Variants in CACNA1S observed in about 807,000 individuals in gnomAD.
CACNA1S encodes the protein calcium voltage-gated channel subunit alpha1 S.
Under a neutral mutation model 207.4 loss-of-function variants are expected in CACNA1S, and 126 were observed. That is an observed-to-expected ratio of 0.61 (90% CI 0.53 to 0.70). CACNA1S has a LOEUF of 0.70. CACNA1S is among the 30% of genes least tolerant of loss of function. The pLI, the probability that CACNA1S is intolerant of heterozygous loss-of-function variation, is 0.00. For synonymous variants in CACNA1S, 960 were observed against 932.7 expected (o/e 1.03, Z -0.53); for missense variants, 2,349 against 2,422.8 (o/e 0.97, Z 0.64).
rs1303367970 is a variant in CACNA1S at position 201,051,109 on chromosome 1, G to T, written c.3988C>A (p.Leu1330Met). The change falls in exon 33 of 44, where the codon CTG (leucine) becomes ATG (methionine). Residue 1330 changes from leucine (L) to methionine (M), a missense_variant. By Grantham distance (15) the Leu-to-Met change is conservative. Coordinates refer to ENST00000362061, the MANE Select transcript of CACNA1S (RefSeq NM_000069.3). ...CACAGCTTCCCATAGCTGCAGGCCA[G>T]TAGGATCTCCTGCCAGGCCTCACCT... ...ATGEAWQEIL[L>M]ACSYGKLCDP... is the part of the protein sequence containing the mutation. 1 of 1,614,108 alleles carries T rather than the reference G, an allele frequency of 6.2e-7. No homozygotes were observed. The highest frequency in any genetic ancestry group is 8.5e-7 in the Non-Finnish European group (1 of 1,180,036).
chr1:201,091,873 A>C (rs1662246138), intron 4 of CACNA1S, 81 bp from the exon 5 acceptor site: 2 of 1,597,084 alleles, frequency 1.3e-6, no homozygotes, highest in Non-Finnish European at 1.7e-6. Context: ...AATCCTGGGA[A>C]GCCCCTGAGA....
At chr1:201,082,392 T>C (rs1340727022) in intron 10 of CACNA1S, among the ~76,000 whole-genome samples, 1 of 152,180 alleles carries the variant, frequency 6.6e-6, no homozygotes, top group African/African-American at 2.4e-5. Flanking sequence ...CAAACACATG[T>C]GTTGCCACTC....
At position 201,048,632 on chromosome 1, in the gene CACNA1S, T is replaced by C. The variant is rs1480471513; in HGVS notation, c.4391A>G (p.Asn1464Ser). The C allele has an allele frequency of 1.9e-6, 3 of 1,613,826 alleles. No homozygotes were observed. The highest frequency in any genetic ancestry group is 1.7e-5 in the Admixed American group (1 of 60,008). The change falls in exon 36 of 44, where the codon AAT (asparagine) becomes AGT (serine). Residue 1464 changes from asparagine to serine, a missense_variant. Physicochemically the swap from Asn to Ser is conservative, Grantham distance 46. Coordinates refer to ENST00000362061, the MANE Select transcript of CACNA1S (RefSeq NM_000069.3). ...GCGGACCAGGGCAAAGAGTGTGGCA[T>C]TGAAGGTGACTGTGCCGTCGCTGTT... Reference protein sequence around the residue: ...PLNSDGTVTFNATLFALVRTA... With the variant: ...PLNSDGTVTFSATLFALVRTA...
chr1:201,059,155 GCTTCTC>G, intron 27 of CACNA1S, 28 bp downstream of exon 27: 1 of 1,394,098 alleles, frequency 7.2e-7, no homozygotes, highest in Non-Finnish European at 1.0e-6. Context: ...ACCAGCCCCA[GCTTCTC>G]ATCTGGCCCG....
At chr1:201,098,812 C>T (rs923819055) in intron 2 of CACNA1S, among the ~76,000 whole-genome samples, 3 of 152,130 alleles carry the variant, frequency 2.0e-5, no homozygotes, top group Non-Finnish European at 1.5e-5. Context: ...GGTGAGAGCT[C>T]CCTTACCTCA....
chr1:201,056,848 C>T (rs1361573692), intron 28 of CACNA1S, among the ~76,000 whole-genome samples: 1 of 152,168 alleles, frequency 6.6e-6, no homozygotes, highest in Non-Finnish European at 1.5e-5. Context: ...TCTCATTCCA[C>T]CTCCAAACCC....
At chr1:201,082,738 C>T (rs182220980) in intron 10 of CACNA1S, among the ~76,000 whole-genome samples, 14 of 152,310 alleles carry the variant, frequency 9.2e-5, no homozygotes, top group Admixed American at 2.6e-4. Flanking sequence ...CTGTGCCTTA[C>T]ATGTAGGATG....
chr1:201,042,763 T>C (rs1660312102), intron 40 of CACNA1S: 1 of 168,736 alleles, frequency 5.9e-6, no homozygotes, highest in Non-Finnish European at 1.3e-5. Flanking sequence ...AAGCTTTGCC[T>C]GAGCCTAGCC....
At chr1:201,076,336 C>T (rs1364874283) in intron 12 of CACNA1S, among the ~76,000 whole-genome samples, 1 of 152,218 alleles carries the variant, frequency 6.6e-6, no homozygotes, top group Admixed American at 6.5e-5. Context: ...GCCTTTCTCA[C>T]TGGTACAAAA....
chr1:201,092,068 T>C lies in CACNA1S; in HGVS notation c.445A>G (p.Thr149Ala), dbSNP rs74642988. The C allele has an allele frequency of 9.8e-5, 158 of 1,614,096 alleles. 1 individual carries two copies. In the East Asian group the frequency reaches 3.5e-3, roughly 36 times the overall value. ...GCTCCTTTGCTGCTCATTGGGGCTG[T>C]GTGGCTTTGGATGACGTTAACCTGT... ...LEQVNVIQSH[T>A]APMSSKGAGL... The change falls in exon 4 of 44, where the codon ACA becomes GCA. Residue 149 changes from threonine (T) to alanine (A), a missense_variant. Transcript: ENST00000362061.
chr1:201,076,586 C>G (rs1392994197), intron 12 of CACNA1S, among the ~76,000 whole-genome samples: 1 of 152,222 alleles, frequency 6.6e-6, no homozygotes, highest in East Asian at 1.9e-4. Flanking sequence ...TGACTTTGCC[C>G]TGAGACCTGA....
chr1:201,085,906 T>C (rs1359634150), intron 7 of CACNA1S, among the ~76,000 whole-genome samples: 1 of 152,196 alleles, frequency 6.6e-6, no homozygotes, highest in Admixed American at 6.5e-5. Context: ...AGGCAGTCCA[T>C]TGCCTAACTG....
chr1:201,108,231 G>A (rs924100590), intron 2 of CACNA1S, among the ~76,000 whole-genome samples: 3 of 151,350 alleles, frequency 2.0e-5, no homozygotes, highest in African/African-American at 7.3e-5. Context: ...TCAGCCTCCC[G>A]AGTAGATGGA....
intron 10 of CACNA1S, among the ~76,000 whole-genome samples, chr1:201,079,270 C>T (rs1386751339): frequency 6.6e-6 from 1 of 152,064 alleles, no homozygotes; most frequent in Non-Finnish European, 1.5e-5. Context: ...ATTTGCTCTT[C>T]ACCTCATCCC....
Position 201,062,105 on chromosome 1 carries a change from C to A in CACNA1S, c.2907-15G>T, listed in dbSNP as rs1012843039. 1.9e-6 allele frequency: 3 copies of A among 1,612,160 alleles called. No individual in the cohort carries two copies. The highest frequency in any genetic ancestry group is 2.5e-6 in the Non-Finnish European group (3 of 1,179,258). ...AGTAGTAGCCCCTGTGGCAGGGAGG[C>A]CCAGTCACTCCACAGGGCATGGCTG... On this transcript the variant is annotated splice_polypyrimidine_tract_variant and intron_variant, in intron 23 of 43. Coordinates refer to ENST00000362061, the MANE Select transcript of CACNA1S (RefSeq NM_000069.3).
chr1:201,053,153 GC>G lies in CACNA1S; in HGVS notation c.3861+55del. On this transcript the variant is annotated intron_variant, in intron 31 of 43. Coordinates refer to ENST00000362061, the MANE Select transcript of CACNA1S (RefSeq NM_000069.3). This position sits in a 1 kb window ranked among gnomAD's most constrained non-coding sequence, Gnocchi z 5.1. ...CTCAGGCTCCTCAGGGTCCACTGAT[GC>G]CCCCTCTAACTTGGCCAAGATCCAT... The G allele has an allele frequency of 6.3e-7, 1 of 1,592,876 alleles. No individual in the cohort carries two copies. Among genetic ancestry groups the G allele is most frequent in the Non-Finnish European group, 8.6e-7 (1 of 1,160,724 alleles).
intron 22 of CACNA1S, 29 bp downstream of exon 22, chr1:201,065,809 G>A (rs1002555643): frequency 1.3e-6 from 2 of 1,524,618 alleles, no homozygotes; most frequent in Non-Finnish European, 9.1e-7. Flanking sequence ...GAGCGGGAGG[G>A]GGAGCTGCTC....
At chr1:201,054,776 TG>T (rs548913683) in intron 28 of CACNA1S, among the ~76,000 whole-genome samples, 12 of 150,832 alleles carry the variant, frequency 8.0e-5, no homozygotes, top group Non-Finnish European at 1.6e-4. Context: ...AGGCAAGAGG[TG>T]GGGGACAAGG....
intron 40 of CACNA1S, 65 bp from the exon 41 acceptor site, chr1:201,041,654 T>C (rs1021293702): frequency 2.5e-6 from 3 of 1,214,962 alleles, no homozygotes; most frequent in Non-Finnish European, 2.4e-6. Context: ...TCCCTGCCTC[T>C]CTGGCCCCAA....
Sources: gnomAD v4.1 joint callset for allele counts (sites outside exome capture counted in the v4.1 genomes callset) on GRCh38, gnomAD v4.1.1 for gene constraint, Gnocchi (gnomAD v3.1) non-coding constraint, MANE v1.5 for transcripts, NCBI Gene and HGNC (gene_info 2026-07-23, HGNC 2026-07-21) for gene names.